Variants in SUCLG2 observed in about 807,000 individuals in gnomAD.
The protein encoded by SUCLG2 is succinate-CoA ligase GDP-forming subunit beta, also known as succinate--CoA ligase [GDP-forming] subunit beta, mitochondrial.
In SUCLG2, 42 loss-of-function variants were observed where a neutral mutation model predicts 47.9. The ratio of observed to expected loss-of-function variants is 0.88; its 90% CI spans 0.69 to 1.14. SUCLG2 has a LOEUF of 1.14. Ranked by LOEUF, SUCLG2 falls within the 50% of genes most tolerant of loss-of-function variation. SUCLG2 has a pLI of 0.00. For synonymous variants in SUCLG2, 195 were observed against 197.3 expected (o/e 0.99, Z 0.10); for missense variants, 571 against 525.9 (o/e 1.09, Z -0.84).
chr3:67,542,973 T>C (rs1706758286), intron 2 of SUCLG2, among the ~76,000 whole-genome samples: 2 of 152,202 alleles, frequency 1.3e-5, no homozygotes, highest in Admixed American at 6.5e-5. Context: ...GCAGACCTAA[T>C]AGACATCTAC....
intron 9 of SUCLG2, among the ~76,000 whole-genome samples, chr3:67,464,345 C>CAAG (rs1704416666): frequency 6.6e-6 from 1 of 152,196 alleles, no homozygotes; most frequent in African/African-American, 2.4e-5. Context: ...TGCAATTTTA[C>CAAG]AAGCGTGTGT....
intron 2 of SUCLG2, among the ~76,000 whole-genome samples, chr3:67,603,732 T>A (rs527597699): frequency 6.6e-6 from 1 of 152,322 alleles, no homozygotes; most frequent in African/African-American, 2.4e-5. Flanking sequence ...AAGATAGTGA[T>A]CCTAGATATG....
chr3:67,453,233 T>TA (rs397717089), intron 9 of SUCLG2, among the ~76,000 whole-genome samples: 1 of 151,990 alleles, frequency 6.6e-6, no homozygotes. Flanking sequence ...CTTTTTTTTT[T>TA]ATGAGTATTT....
intron 9 of SUCLG2, among the ~76,000 whole-genome samples, chr3:67,471,393 A>T (rs1346584580): frequency 1.3e-5 from 2 of 152,142 alleles, no homozygotes; most frequent in African/African-American, 2.4e-5. Flanking sequence ...GGGCTTCTTT[A>T]CCCAGTTAAG....
At chr3:67,400,909 A>C in intron 9 of SUCLG2, 58 bp from the exon 10 acceptor site, 1 of 1,606,438 alleles carries the variant, frequency 6.2e-7, no homozygotes, top group Non-Finnish European at 8.5e-7. Context: ...AGTCTCAAAA[A>C]TAACTGGTTA....
intron 2 of SUCLG2, among the ~76,000 whole-genome samples, chr3:67,545,322 C>T (rs1297255658): frequency 6.6e-6 from 1 of 152,138 alleles, no homozygotes; most frequent in Non-Finnish European, 1.5e-5. Context: ...TGGTCAATGA[C>T]ATGCTGGAGT....
chr3:67,424,018 G>C (rs1385574366), intron 9 of SUCLG2, among the ~76,000 whole-genome samples: 1 of 152,132 alleles, frequency 6.6e-6, no homozygotes. Context: ...TGCAGAAACT[G>C]ATAAATACTC....
chr3:67,431,459 T>C (rs1277920472), intron 9 of SUCLG2, among the ~76,000 whole-genome samples: 7 of 152,120 alleles, frequency 4.6e-5, no homozygotes, highest in Admixed American at 6.5e-5. Context: ...TGTGACACTA[T>C]TCACAATAGC....
intron 9 of SUCLG2, among the ~76,000 whole-genome samples, chr3:67,440,078 ACATCAACAGC>A (rs147947301): frequency 0.026 from 3,956 of 152,326 alleles, 72 homozygotes; most frequent in Non-Finnish European, 0.042. Flanking sequence ...ATAACGCCAC[ACATCAACAGC>A]CATCTGATCT....
chr3:67,402,403 T>G (rs1238382060), intron 9 of SUCLG2, among the ~76,000 whole-genome samples: 1 of 152,230 alleles, frequency 6.6e-6, no homozygotes, highest in Non-Finnish European at 1.5e-5. Flanking sequence ...AAAAAGGTAA[T>G]GCCTTAAGAA....
chr3:67,450,691 C>T (rs12495460), intron 9 of SUCLG2, among the ~76,000 whole-genome samples: 68,084 of 151,992 alleles, frequency 0.45, 15,791 homozygotes, highest in Non-Finnish European at 0.52. Flanking sequence ...TATTTAACTA[C>T]CTAGAGGGAG....
intron 9 of SUCLG2, among the ~76,000 whole-genome samples, chr3:67,432,653 A>G (rs927528040): frequency 6.6e-6 from 1 of 152,068 alleles, no homozygotes; most frequent in African/African-American, 2.4e-5. Flanking sequence ...TACCCTTCAC[A>G]TTCATCCAAC....
At chr3:67,654,401 C>T in intron 1 of SUCLG2, 102 bp downstream of exon 1, 3 of 998,234 alleles carry the variant, frequency 3.0e-6, no homozygotes, top group Non-Finnish European at 3.9e-6. Context: ...CCCGAGGGGC[C>T]GCGCAGGGGG....
chr3:67,417,727 G>C (rs1355023934), intron 9 of SUCLG2, among the ~76,000 whole-genome samples: 2 of 152,134 alleles, frequency 1.3e-5, no homozygotes, highest in African/African-American at 4.8e-5. Context: ...CTCCAGCAGA[G>C]AAAGGCACCT....
At chr3:67,369,925 T>C (rs1026984101), downstream of SUCLG2, among the ~76,000 whole-genome samples, 1 of 152,200 alleles carries the variant, frequency 6.6e-6, no homozygotes, top group East Asian at 1.9e-4. Flanking sequence ...GTTATACTGA[T>C]TACATAGTAA....
intron 2 of SUCLG2, among the ~76,000 whole-genome samples, chr3:67,603,553 G>A (rs989921139): frequency 6.6e-6 from 1 of 152,166 alleles, no homozygotes; most frequent in South Asian, 2.1e-4. Context: ...TAGGATGCAT[G>A]TCATTAGGCC....
intron 2 of SUCLG2, among the ~76,000 whole-genome samples, chr3:67,561,446 T>A (rs928445557): frequency 6.6e-6 from 1 of 152,188 alleles, no homozygotes; most frequent in Non-Finnish European, 1.5e-5. Context: ...TCCCAACAAC[T>A]ATTTAAAAAA....
At chr3:67,493,771 G>A (rs1376747894) in intron 9 of SUCLG2, among the ~76,000 whole-genome samples, 1 of 152,126 alleles carries the variant, frequency 6.6e-6, no homozygotes, top group African/African-American at 2.4e-5. Flanking sequence ...AATTGGTTTG[G>A]GAATCTCTGG....
chr3:67,583,820 G>A (rs1453899889), intron 2 of SUCLG2, among the ~76,000 whole-genome samples: 2 of 152,176 alleles, frequency 1.3e-5, no homozygotes, highest in African/African-American at 4.8e-5. Context: ...TTTGATTTCT[G>A]CTATACCTCT....
Sources: allele counts gnomAD v4.1 joint callset (sites outside exome capture counted in the v4.1 genomes callset), GRCh38; gene constraint gnomAD v4.1.1; transcripts MANE v1.5; gene names NCBI Gene and HGNC (gene_info 2026-07-23, HGNC 2026-07-21).